ARHGEF6: variants seen among roughly 807,000 people sequenced by gnomAD.
ARHGEF6 encodes rho guanine nucleotide exchange factor 6.
Under a neutral mutation model 70.3 loss-of-function variants are expected in ARHGEF6, and 9 were observed. The ratio of observed to expected loss-of-function variants is 0.13; its 90% CI spans 0.08 to 0.22. The LOEUF is 0.22. ARHGEF6 is among the 10% of genes least tolerant of loss of function. The pLI is 1.00. For missense variants in ARHGEF6, 470 were observed against 563.0 expected (o/e 0.83, Z 1.67); for synonymous variants, 201 against 207.8 (o/e 0.97, Z 0.28).
Position 136,779,501 on chromosome X carries a change from G to A in ARHGEF6, c.166-4C>T, listed in dbSNP as rs1448002138. On this transcript the variant is annotated splice_region_variant and splice_polypyrimidine_tract_variant and intron_variant, in intron 1 of 21. Coordinates refer to ENST00000250617, the MANE Select transcript of ARHGEF6 (RefSeq NM_004840.3). ...CAGTTTGGGGATCCAGACAAAACTA[G>A]AGGAACACAGTGAAATGTCACTTGG... 4.2e-6 allele frequency: 5 copies of A among 1,200,397 alleles called. No individual in the cohort carries two copies. The highest frequency in any genetic ancestry group is 5.6e-6 in the Non-Finnish European group (5 of 885,219).
At chrX:136,716,861 A>G (rs1369183968) in intron 6 of ARHGEF6, among the ~76,000 whole-genome samples, 1 of 112,163 alleles carries the variant, frequency 8.9e-6, no homozygotes, top group Non-Finnish European at 1.9e-5. Flanking sequence ...TGATCTGGGC[A>G]TGGCTGAGGA....
chrX:136,713,336 T>C lies in ARHGEF6; in HGVS notation c.767A>G (p.Tyr256Cys). ...AAGAAGAGACTGAAGTTCTTTAGCA[T>C]ATTCTTTTTCAGTGTCCAGGATGTT... ...LQNILDTEKE[Y>C]AKELQSLLVT... Residue 256 changes from tyrosine to cysteine, a missense_variant, in exon 7 of 22, where the codon TAT (tyrosine) becomes TGT (cysteine). Around this residue, in one of 3 missense-constraint regions of ARHGEF6, gnomAD observed 379 missense variants for 449.3 expected, o/e 0.84. Coordinates refer to ENST00000250617, the MANE Select transcript of ARHGEF6 (RefSeq NM_004840.3). The C allele has an allele frequency of 8.3e-7, 1 of 1,208,761 alleles. No individual in the cohort carries two copies. The highest frequency in any genetic ancestry group is 1.1e-6 in the Non-Finnish European group (1 of 893,225).
chrX:136,733,621 A>G (rs1343944790), intron 5 of ARHGEF6, among the ~76,000 whole-genome samples: 1 of 112,334 alleles, frequency 8.9e-6, no homozygotes, highest in Non-Finnish European at 1.9e-5. Context: ...TTTAATTATT[A>G]TTGTATTGGA....
At chrX:136,716,648 T>C (rs2076739694) in intron 6 of ARHGEF6, among the ~76,000 whole-genome samples, 1 of 112,167 alleles carries the variant, frequency 8.9e-6, no homozygotes, top group Non-Finnish European at 1.9e-5. Context: ...AACACAGGAA[T>C]GTTAGAATTA....
intron 9 of ARHGEF6, among the ~76,000 whole-genome samples, chrX:136,698,804 C>T (rs916093089): frequency 8.9e-6 from 1 of 112,208 alleles, no homozygotes; most frequent in African/African-American, 3.2e-5. Context: ...AATTTAAATT[C>T]ACATATTAAA....
At chrX:136,668,350 G>A (rs766602468) in intron 21 of ARHGEF6, among the ~76,000 whole-genome samples, 181 bp from the exon 22 acceptor site, 1 of 109,708 alleles carries the variant, frequency 9.1e-6, no homozygotes, top group African/African-American at 3.3e-5. Context: ...AAACCTTTTG[G>A]ATTCTTCTTC....
At position 136,666,852 on chromosome X, in the gene ARHGEF6, A is replaced by G. The variant is rs1298465526; in HGVS notation, c.*1177T>C. ...CTGAATAATCCAGCACACAGCTACT[A>G]GAGGGGCCCTTTTGTTCTGGATGTA... is the stretch of plus-strand genomic sequence containing the variant. On this transcript the variant is annotated 3_prime_UTR_variant, in exon 22 of 22. Transcript: ENST00000250617. 8.9e-6 allele frequency: 1 copy of G among 112,276 alleles called. No homozygotes were observed. Among genetic ancestry groups the G allele is most frequent in the Non-Finnish European group, 1.9e-5 (1 of 53,298 alleles). The allele number at this position is 112,276 out of a possible 1,213,427, so 9.3% of individuals were successfully genotyped here.
rs926836865 is a variant in ARHGEF6 at position 136,667,809 on chromosome X, A to C, written c.*220T>G. The C allele has an allele frequency of 4.4e-6, 2 of 452,301 alleles. No homozygotes were observed. Among genetic ancestry groups the C allele is most frequent in the Non-Finnish European group, 7.5e-6 (2 of 267,286 alleles). The allele number at this position is 452,301 out of a possible 1,213,427, so 37.3% of individuals were successfully genotyped here. On this transcript the variant is annotated 3_prime_UTR_variant, in exon 22 of 22. Transcript: ENST00000250617. ...TTTCACCTGTTGAAAAAAAAAATGA[A>C]CAACCAACCAATAACCAAACAACAG...
At chrX:136,749,067 T>A (rs2077124975) in intron 2 of ARHGEF6, among the ~76,000 whole-genome samples, 1 of 112,241 alleles carries the variant, frequency 8.9e-6, no homozygotes, top group African/African-American at 3.2e-5. Context: ...GAGACATTAA[T>A]ATATTTCTGG....
chrX:136,743,866 A>T, intron 4 of ARHGEF6, 80 bp from the exon 5 acceptor site: 1 of 950,919 alleles, frequency 1.1e-6, no homozygotes, highest in South Asian at 2.0e-5. Context: ...ATAGGCAAAT[A>T]AAGTGGAGGA....
chrX:136,729,807 G>A (rs184163306), intron 6 of ARHGEF6, among the ~76,000 whole-genome samples: 305 of 108,704 alleles, frequency 2.8e-3, no homozygotes, highest in Middle Eastern at 9.3e-3. Flanking sequence ...TCCAGCCAGG[G>A]CGACAGAGTG....
At chrX:136,743,860 G>A in intron 4 of ARHGEF6, 74 bp from the exon 5 acceptor site, 1 of 989,508 alleles carries the variant, frequency 1.0e-6, no homozygotes. Flanking sequence ...ATGGATATAG[G>A]CAAATAAAGT....
intron 6 of ARHGEF6, among the ~76,000 whole-genome samples, chrX:136,723,574 T>C (rs754160522): frequency 1.8e-5 from 2 of 112,252 alleles, no homozygotes; most frequent in African/African-American, 6.5e-5. Context: ...AACAGTACTA[T>C]ATTTTATTAA....
chrX:136,726,532 G>C (rs773366997), intron 6 of ARHGEF6, among the ~76,000 whole-genome samples: 1 of 111,997 alleles, frequency 8.9e-6, no homozygotes, highest in African/African-American at 3.3e-5. Flanking sequence ...GGCAGAGAGA[G>C]GTAGATAGAT....
intron 2 of ARHGEF6, chrX:136,767,149 T>C: frequency 4.0e-6 from 3 of 754,502 alleles, no homozygotes; most frequent in Non-Finnish European, 4.7e-6. Flanking sequence ...GTCACCTGGC[T>C]CGGCCGCTGC....
At chrX:136,729,753 C>G (rs1380338892) in intron 6 of ARHGEF6, among the ~76,000 whole-genome samples, 1 of 108,799 alleles carries the variant, frequency 9.2e-6, no homozygotes, top group Non-Finnish European at 1.9e-5. Flanking sequence ...TTTCTTGAAC[C>G]CGGGAGGCGG....
In ARHGEF6 at chrX:136,685,817, A is replaced by G; in HGVS notation, c.1252T>C (p.Cys418Arg). 1 of 1,210,795 alleles carries G rather than the reference A, an allele frequency of 8.3e-7. No individual in the cohort carries two copies. Among genetic ancestry groups the G allele is most frequent in the Non-Finnish European group, 1.1e-6 (1 of 894,981 alleles). The stretch of plus-strand genomic sequence containing the variant: ...TGTTTTCTCTTCCTCAGATCTTGAC[A>G]TTGCCCCTACAGAACCAAAGCAGAA... ...IVAFKTLMGQ[C>R]QDLRKRKQLE... Residue 418 changes from cysteine (C) to arginine (R), a missense_variant, in exon 12 of 22, where the codon TGT (cysteine) becomes CGT (arginine). This residue lies in a region of ARHGEF6 where 379 missense variants were observed against 449.3 expected (regional missense o/e 0.84). Transcript: ENST00000250617.
At chrX:136,687,015 A>G (rs1158261611) in intron 11 of ARHGEF6, among the ~76,000 whole-genome samples, 1 of 109,957 alleles carries the variant, frequency 9.1e-6, no homozygotes, top group African/African-American at 3.3e-5. Context: ...AATCAGAAAG[A>G]AATACAGGTT....
chrX:136,766,525 T>A (rs912352341), intron 2 of ARHGEF6, among the ~76,000 whole-genome samples: 1 of 111,525 alleles, frequency 9.0e-6, no homozygotes, highest in African/African-American at 3.3e-5. Flanking sequence ...TACCCCTCTA[T>A]CCAAAAACAA....
Sources: allele counts gnomAD v4.1 joint callset (sites outside exome capture counted in the v4.1 genomes callset), GRCh38; gene constraint gnomAD v4.1.1; regional missense constraint gnomAD v4.1.1; transcripts MANE v1.5; gene names NCBI Gene and HGNC (gene_info 2026-07-23, HGNC 2026-07-21).